The following IL1RAP variants were observed in gnomAD, a reference collection of about 807,000 sequenced individuals.
IL1RAP encodes interleukin 1 receptor accessory protein, also known as interleukin-1 receptor accessory protein.
In IL1RAP, 35 loss-of-function variants were observed where a neutral mutation model predicts 60.7. The ratio of observed to expected loss-of-function variants is 0.58; its 90% CI spans 0.44 to 0.76. The LOEUF (loss-of-function observed/expected upper bound fraction) is 0.76, where lower values mean the gene tolerates loss of function less well. Ranked by LOEUF, IL1RAP falls within the 30% of genes least tolerant of loss-of-function variation. The pLI is 0.00. For missense variants in IL1RAP, 572 were observed against 693.9 expected, an observed-to-expected ratio of 0.82 and a Z score of 1.97; for synonymous variants, 268 against 250.9, an observed-to-expected ratio of 1.07 and a Z score of -0.64.
intron 3 of IL1RAP, among the ~76,000 whole-genome samples, chr3:190,598,856 T>G (rs1306450309): frequency 6.6e-6 from 1 of 152,200 alleles, no homozygotes; most frequent in African/African-American, 2.4e-5. Context: ...TCATATTTGG[T>G]CGAGTCAATA....
At chr3:190,574,952 C>A (rs1727304848) in intron 3 of IL1RAP, among the ~76,000 whole-genome samples, 1 of 152,032 alleles carries the variant, frequency 6.6e-6, no homozygotes, top group Admixed American at 6.6e-5. Context: ...GAAATCCCAG[C>A]AGATTTAATA....
intron 1 of IL1RAP, among the ~76,000 whole-genome samples, chr3:190,545,351 T>G (rs188757057): frequency 6.6e-6 from 1 of 152,320 alleles, no homozygotes; most frequent in East Asian, 1.9e-4. Flanking sequence ...CATACTGATA[T>G]GATTATTATT....
chr3:190,612,508 C>T (rs1730907378), intron 5 of IL1RAP, among the ~76,000 whole-genome samples: 1 of 152,124 alleles, frequency 6.6e-6, no homozygotes, highest in Admixed American at 6.5e-5. Context: ...TTCCTTGTTC[C>T]CTCCAGCTGG....
At chr3:190,657,465 G>T (rs747312178) in exon 12 of IL1RAP, 5 of 152,148 alleles carry the variant, frequency 3.3e-5, no homozygotes, top group African/African-American at 1.2e-4. Context: ...ATTCCGTATT[G>T]TAAGTGATGT....
chr3:190,533,528 C>G (rs866178822), intron 1 of IL1RAP, among the ~76,000 whole-genome samples: 1 of 152,170 alleles, frequency 6.6e-6, no homozygotes, highest in Admixed American at 6.5e-5. Flanking sequence ...AACAACTACT[C>G]GATTTAAGAA....
intron 1 of IL1RAP, among the ~76,000 whole-genome samples, chr3:190,540,628 C>T (rs1723849243): frequency 6.6e-6 from 1 of 151,064 alleles, no homozygotes; most frequent in Non-Finnish European, 1.5e-5. Context: ...TTCCATGTGT[C>T]TGTGTTGATT....
chr3:190,608,160 A>G (rs987124876), intron 4 of IL1RAP, among the ~76,000 whole-genome samples: 1 of 152,184 alleles, frequency 6.6e-6, no homozygotes, highest in Admixed American at 6.6e-5. Flanking sequence ...ATGTTCTGAG[A>G]AATATTTGTT....
At chr3:190,534,909 G>T (rs1369616792) in intron 1 of IL1RAP, among the ~76,000 whole-genome samples, 3 of 112,540 alleles carry the variant, frequency 2.7e-5, no homozygotes, top group African/African-American at 4.4e-5. Flanking sequence ...AAGTGTAAGA[G>T]AATTAAAAAA....
intron 9 of IL1RAP, among the ~76,000 whole-genome samples, chr3:190,632,353 G>A (rs1335367773): frequency 2.0e-5 from 3 of 152,164 alleles, no homozygotes; most frequent in Admixed American, 2.0e-4. Flanking sequence ...TACTAATGAT[G>A]TTGGACAATT....
intron 9 of IL1RAP, 50 bp downstream of exon 9, chr3:190,629,548 G>T: frequency 6.4e-7 from 1 of 1,562,002 alleles, no homozygotes; most frequent in Non-Finnish European, 8.7e-7. Context: ...TTAACATTGT[G>T]GTGAATAAGG....
At chr3:190,590,736 A>G (rs1355660143) in intron 3 of IL1RAP, among the ~76,000 whole-genome samples, 1 of 152,188 alleles carries the variant, frequency 6.6e-6, no homozygotes, top group Non-Finnish European at 1.5e-5. Context: ...CTCAGTATTA[A>G]CGTTGTCTGT....
In IL1RAP at chr3:190,587,766, C is replaced by T. The variant is rs558119675; in HGVS notation, c.65-16362C>T. On this transcript the variant is annotated intron_variant, in intron 3 of 11. Transcript: ENST00000447382. ...TATGTAAAATCTCCAAAATAAAAAC[C>T]AAGGGGCTGAGTAAGACCTGAGAAC... Among the ~76,000 whole-genome samples the T allele has an allele frequency of 2.6e-5, 4 of 152,222 alleles. No homozygotes were observed. The South Asian group carries it at 6.2e-4, about 24-fold the overall frequency.
At chr3:190,600,428 A>G (rs1729757133) in intron 3 of IL1RAP, among the ~76,000 whole-genome samples, 1 of 152,126 alleles carries the variant, frequency 6.6e-6, no homozygotes, top group South Asian at 2.1e-4. Flanking sequence ...CATTCTTCCC[A>G]TATCTTCGGT....
At chr3:190,596,292 T>C (rs976613004) in intron 3 of IL1RAP, among the ~76,000 whole-genome samples, 1 of 152,202 alleles carries the variant, frequency 6.6e-6, no homozygotes, top group Non-Finnish European at 1.5e-5. Flanking sequence ...GTGGAAAATA[T>C]TCTGCTTTGA....
intron 3 of IL1RAP, among the ~76,000 whole-genome samples, chr3:190,592,237 C>T (rs1193574663): frequency 6.6e-6 from 1 of 152,192 alleles, no homozygotes; most frequent in African/African-American, 2.4e-5. Flanking sequence ...CCAGACTGGT[C>T]TCGAACTCGA....
In IL1RAP at chr3:190,626,679, T is replaced by A. The variant is rs1732301864; in HGVS notation, c.776-644T>A. Among the ~76,000 whole-genome samples the A allele has an allele frequency of 2.0e-5, 3 of 146,650 alleles. No homozygotes were observed. In the South Asian group the frequency reaches 6.7e-4, roughly 33 times the overall value. On this transcript the variant is annotated intron_variant, in intron 7 of 11. Coordinates refer to ENST00000447382, the MANE Select transcript of IL1RAP (RefSeq NM_002182.4). The stretch of plus-strand genomic sequence containing the variant: ...TGTCAGAGACCTTTTTTTTTTTTTT[T>A]TTTTTTTTGGAGATGGAGTCTCACT...
chr3:190,602,385 T>A (rs1316901738), intron 3 of IL1RAP, among the ~76,000 whole-genome samples: 5 of 152,126 alleles, frequency 3.3e-5, no homozygotes, highest in African/African-American at 4.8e-5. Context: ...CATTTTATAA[T>A]CATTAATTAC....
chr3:190,574,739 C>T (rs1727289124), intron 3 of IL1RAP, among the ~76,000 whole-genome samples: 1 of 152,108 alleles, frequency 6.6e-6, no homozygotes, highest in African/African-American at 2.4e-5. Flanking sequence ...GGTCTCACTC[C>T]AAGTTCTATT....
intron 1 of IL1RAP, among the ~76,000 whole-genome samples, chr3:190,515,139 G>A (rs1411613104): frequency 1.3e-5 from 2 of 152,040 alleles, no homozygotes; most frequent in African/African-American, 4.8e-5. Flanking sequence ...GAGGACTTGA[G>A]TTTTGACTCC....
Sources: allele counts gnomAD v4.1 joint callset (sites outside exome capture counted in the v4.1 genomes callset), GRCh38; gene constraint gnomAD v4.1.1; transcripts MANE v1.5; gene names NCBI Gene and HGNC (gene_info 2026-07-23, HGNC 2026-07-21).